ANKRD55: variants seen among roughly 807,000 people sequenced by gnomAD.
ANKRD55 encodes the protein ankyrin repeat domain-containing protein 55.
A neutral mutation model predicts 60.6 loss-of-function variants in ANKRD55; 41 were observed. That is an observed-to-expected ratio of 0.68 (90% CI 0.53 to 0.88). The LOEUF is 0.88. Ranked by LOEUF, ANKRD55 falls within the 40% of genes least tolerant of loss-of-function variation. The pLI, the probability that ANKRD55 is intolerant of heterozygous loss-of-function variation, is 0.00. For missense variants in ANKRD55, 732 were observed against 767.6 expected (o/e 0.95, Z 0.55); for synonymous variants, 264 against 290.3 (o/e 0.91, Z 0.92).
intron 6 of ANKRD55, among the ~76,000 whole-genome samples, chr5:56,154,057 A>T (rs946210960): frequency 6.6e-6 from 1 of 150,464 alleles, no homozygotes; most frequent in Non-Finnish European, 1.5e-5. Context: ...TAAAAATACA[A>T]AAAAAATTAG....
intron 2 of ANKRD55, among the ~76,000 whole-genome samples, chr5:56,202,251 C>T (rs547927284): frequency 7.9e-5 from 12 of 152,010 alleles, no homozygotes; most frequent in African/African-American, 2.7e-4. Context: ...CCATGGCACA[C>T]ATTTACCTAT....
intron 5 of ANKRD55, among the ~76,000 whole-genome samples, chr5:56,163,483 TG>T (rs1260701452): frequency 6.6e-6 from 1 of 152,192 alleles, no homozygotes; most frequent in African/African-American, 2.4e-5. Flanking sequence ...GACTCCCTCC[TG>T]TCCTCGGATC....
chr5:56,197,359 A>G (rs903394185), intron 2 of ANKRD55, among the ~76,000 whole-genome samples: 1 of 152,206 alleles, frequency 6.6e-6, no homozygotes, highest in African/African-American at 2.4e-5. Context: ...TTAAAAGCAT[A>G]CATAAAATCA....
At chr5:56,112,139 C>G (rs1423002226) in intron 9 of ANKRD55, among the ~76,000 whole-genome samples, 1 of 152,078 alleles carries the variant, frequency 6.6e-6, no homozygotes, top group African/African-American at 2.4e-5. Flanking sequence ...ATCTCAAGGA[C>G]AGTCAGTAGG....
At chr5:56,119,526 C>T (rs1299737579) in intron 8 of ANKRD55, among the ~76,000 whole-genome samples, 4 of 152,102 alleles carry the variant, frequency 2.6e-5, no homozygotes, top group African/African-American at 9.7e-5. Context: ...TGAATTCATG[C>T]ATGTTAAAAC....
Position 56,111,289 on chromosome 5 carries a change from G to A in ANKRD55, c.1459C>T (p.Gln487Ter), listed in dbSNP as rs371791828. The A allele has an allele frequency of 3.1e-6, 5 of 1,614,050 alleles. No homozygotes were observed. In the African/African-American group the frequency reaches 5.3e-5, roughly 17 times the overall value. ...QDLLNNRTGC[Q>*]MLLDNPWKSD... The stretch of plus-strand genomic sequence containing the variant: ...TTCCAGGGGTTATCTAGTAACATCT[G>A]GCAGCCAGTTCTGTTATTTAATAAA... Residue 487 changes from glutamine (Q) to a stop codon, truncating the protein, a stop_gained, in exon 10 of 12, where the codon CAG becomes TAG. Transcript: ENST00000341048. LOFTEE classifies it high-confidence loss of function.
At chr5:56,115,209 AAT>A (rs1756850181) in intron 9 of ANKRD55, among the ~76,000 whole-genome samples, 1 of 47,608 alleles carries the variant, frequency 2.1e-5, no homozygotes, top group Non-Finnish European at 6.2e-5. Flanking sequence ...TAAAAATAAT[AAT>A]AATAATAAAT....
intron 8 of ANKRD55, among the ~76,000 whole-genome samples, chr5:56,122,791 G>C (rs745895391): frequency 1.3e-5 from 2 of 149,400 alleles, no homozygotes; most frequent in African/African-American, 5.0e-5. Context: ...TTTGAGATAC[G>C]GTCTCACTCT....
intron 2 of ANKRD55, among the ~76,000 whole-genome samples, chr5:56,213,132 G>T (rs1018938515): frequency 5.9e-5 from 9 of 152,100 alleles, no homozygotes; most frequent in Non-Finnish European, 1.2e-4. Context: ...GGACTAAAGA[G>T]TATATACAAT....
intron 4 of ANKRD55, among the ~76,000 whole-genome samples, chr5:56,173,568 C>A (rs1318046971): frequency 6.5e-4 from 73 of 112,854 alleles, no homozygotes; most frequent in East Asian, 4.4e-3. Flanking sequence ...CTCTCTCTCT[C>A]TCTCTCTCTC....
At chr5:56,182,985 G>C in intron 3 of ANKRD55, among the ~76,000 whole-genome samples, 1 of 152,120 alleles carries the variant, frequency 6.6e-6, no homozygotes, top group Admixed American at 6.6e-5. Context: ...ACATTTCTGG[G>C]TTGCCAGCTT....
intron 2 of ANKRD55, among the ~76,000 whole-genome samples, chr5:56,228,485 G>A (rs933397966): frequency 4.9e-4 from 74 of 151,880 alleles, no homozygotes; most frequent in African/African-American, 1.6e-3. Context: ...GAGTGCAGTG[G>A]CGCGATCTTG....
chr5:56,159,838 T>C lies in ANKRD55; in HGVS notation c.478A>G (p.Asn160Asp). Residue 160 changes from asparagine to aspartate, a missense_variant, in exon 6 of 12, where the codon AAT becomes GAT. Coordinates refer to ENST00000341048, the MANE Select transcript of ANKRD55 (RefSeq NM_024669.3). ...TGCTTGAGAGTGTGGCTCACCTCATTGTCCTGGTGATTAATCTCGCTGATG... is the reference window on the plus strand; with the variant it reads ...TGCTTGAGAGTGTGGCTCACCTCATCGTCCTGGTGATTAATCTCGCTGATG... ...SNISEINHQD[N>D]EGMTPLHWAA... is the part of the protein sequence containing the mutation. 1.9e-6 allele frequency: 3 copies of C among 1,613,946 alleles called. No homozygotes were observed. Among genetic ancestry groups the C allele is most frequent in the Non-Finnish European group, 2.5e-6 (3 of 1,179,884 alleles).
chr5:56,109,784 G>A (rs995151849), intron 10 of ANKRD55, among the ~76,000 whole-genome samples: 10 of 152,202 alleles, frequency 6.6e-5, no homozygotes, highest in Non-Finnish European at 1.5e-4. Context: ...CACTATGGGA[G>A]GCTGGGACGG....
chr5:56,180,895 T>A (rs1758836516), intron 3 of ANKRD55, among the ~76,000 whole-genome samples: 2 of 152,206 alleles, frequency 1.3e-5, no homozygotes. Context: ...TTTTCTTTTT[T>A]CCTTTTCAAG....
rs1202974476 is a variant in ANKRD55, at chr5:56,102,536, G to A, written c.1681C>T (p.Pro561Ser). The change falls in exon 11 of 12, where the codon CCT becomes TCT. Residue 561 changes from proline (P) to serine (S), a missense_variant. Around this residue, in one of 3 missense-constraint regions of ANKRD55, gnomAD observed 597 missense variants for 607.5 expected, o/e 0.98. Transcript: ENST00000341048. Reference sequence around the variant, plus strand: ...GGAGCTAGGTTGTTCCGAGTGAAAGGAAGATCCCTGATTTTGTGTCTGTTT... The same window carrying A: ...GGAGCTAGGTTGTTCCGAGTGAAAGAAAGATCCCTGATTTTGTGTCTGTTT... Reference protein sequence around the residue: ...SPNRHKIRDLPFTRNNLAPLP... With the variant: ...SPNRHKIRDLSFTRNNLAPLP... The A allele has an allele frequency of 6.2e-7, 1 of 1,613,684 alleles. No homozygotes were observed. Among genetic ancestry groups the A allele is most frequent in the African/African-American group, 1.3e-5 (1 of 74,900 alleles).
chr5:56,102,365 G>A (rs973399928), intron 11 of ANKRD55, 129 bp downstream of exon 11: 15 of 560,120 alleles, frequency 2.7e-5, no homozygotes, highest in African/African-American at 2.0e-4. Flanking sequence ...CACTCTAGCC[G>A]GGGCGACAGC....
At position 56,116,686 on chromosome 5, in the gene ANKRD55, C is replaced by T; in HGVS notation, c.894G>A (p.Glu298=). The part of the protein sequence containing the change: ...GMDSNLRDIN[E]STPLAYALYC... ...ACAGGGCATAGGCCAAGGGCGTGCT[C>T]TCATTGATGTCCCGCAGGTTGCTGT... The change falls in exon 9 of 12, where the codon GAG becomes GAA. Residue 298 remains glutamate (E), a synonymous_variant. Coordinates refer to ENST00000341048, the MANE Select transcript of ANKRD55 (RefSeq NM_024669.3). The T allele has an allele frequency of 1.2e-6, 2 of 1,614,078 alleles. No homozygotes were observed. Among genetic ancestry groups the T allele is most frequent in the Admixed American group, 1.7e-5 (1 of 60,012 alleles).
chr5:56,195,096 TACTTA>T (rs199749745), intron 2 of ANKRD55, among the ~76,000 whole-genome samples: 1,933 of 152,284 alleles, frequency 0.013, 34 homozygotes, highest in African/African-American at 0.043. Context: ...AAAGAGTAGA[TACTTA>T]ACTTATAAAT....
Sources: gnomAD v4.1 joint callset for allele counts (sites outside exome capture counted in the v4.1 genomes callset) on GRCh38, gnomAD v4.1.1 for gene constraint, gnomAD v4.1.1 regional missense constraint, MANE v1.5 for transcripts, NCBI Gene and HGNC (gene_info 2026-07-23, HGNC 2026-07-21) for gene names.